The following TTLL7 variants were observed in gnomAD, a reference collection of about 807,000 sequenced individuals.
TTLL7 encodes tubulin polyglutamylase TTLL7.
A neutral mutation model predicts 120.2 loss-of-function variants in TTLL7; 53 were observed. The ratio of observed to expected loss-of-function variants is 0.44; its 90% CI spans 0.35 to 0.55. The LOEUF (loss-of-function observed/expected upper bound fraction) is 0.55, where lower values mean the gene tolerates loss of function less well. TTLL7 is among the 20% of genes least tolerant of loss of function. TTLL7 has a pLI of 0.00. For synonymous variants in TTLL7, 353 were observed against 351.7 expected (o/e 1.00, Z -0.04); for missense variants, 803 against 1,054.7 (o/e 0.76, Z 3.31).
Position 83,925,086 on chromosome 1 carries a change from CCTT to C in TTLL7, c.1143-3695_1143-3693del, listed in dbSNP as rs1659000554. Among the ~76,000 whole-genome samples the C allele has an allele frequency of 2.0e-5, 3 of 152,040 alleles. No individual in the cohort carries two copies. The South Asian group carries it at 6.2e-4, about 32-fold the overall frequency. On this transcript the variant is annotated intron_variant, in intron 10 of 20. Coordinates refer to ENST00000260505, the MANE Select transcript of TTLL7 (RefSeq NM_024686.6). ...GCATCCCTCAGGGTTCTGTCGCTGC[CCTT>C]CTTCTCAAAACATACAGTCCAACTG...
intron 14 of TTLL7, 114 bp downstream of exon 14, chr1:83,917,490 A>G: frequency 2.8e-6 from 2 of 712,180 alleles, no homozygotes; most frequent in Non-Finnish European, 4.8e-6. Context: ...TGCACTGGGC[A>G]CACAGTCCCT....
chr1:83,874,033 T>C (rs1653691071), intron 20 of TTLL7, among the ~76,000 whole-genome samples: 1 of 152,118 alleles, frequency 6.6e-6, no homozygotes, highest in Non-Finnish European at 1.5e-5. Flanking sequence ...TACAATTCAG[T>C]GCATTAAGTA....
At chr1:83,989,105 G>A (rs1414883042) in intron 1 of TTLL7, among the ~76,000 whole-genome samples, 1 of 152,086 alleles carries the variant, frequency 6.6e-6, no homozygotes, top group African/African-American at 2.4e-5. Flanking sequence ...ATAGTTTGCA[G>A]GCATTTTCTC....
intron 10 of TTLL7, 31 bp from the exon 11 acceptor site, chr1:83,921,425 G>C (rs1658655429): frequency 1.2e-6 from 2 of 1,605,832 alleles, no homozygotes; most frequent in African/African-American, 1.3e-5. Flanking sequence ...CCATATTCTA[G>C]AACTCGAACA....
chr1:83,958,451 C>T (rs1271453454), intron 1 of TTLL7, among the ~76,000 whole-genome samples: 1 of 152,154 alleles, frequency 6.6e-6, no homozygotes, highest in African/African-American at 2.4e-5. Flanking sequence ...TCTCCACACA[C>T]ATTAACATTA....
chr1:83,953,906 A>C (rs982132123), intron 1 of TTLL7, among the ~76,000 whole-genome samples: 5 of 152,200 alleles, frequency 3.3e-5, no homozygotes, highest in Admixed American at 2.6e-4. Context: ...CAATACTTCA[A>C]ACAGTGAATT....
chr1:83,884,534 A>G (rs1654805576), intron 19 of TTLL7, among the ~76,000 whole-genome samples: 1 of 151,870 alleles, frequency 6.6e-6, no homozygotes, highest in African/African-American at 2.4e-5. Flanking sequence ...AAAGGGAGTA[A>G]GACTGAAATG....
chr1:83,868,565 A>C lies in TTLL7; in HGVS notation c.*1397T>G, dbSNP rs1251343487. 1.3e-5 allele frequency: 2 copies of C among 152,224 alleles called. No homozygotes were observed. The highest frequency in any genetic ancestry group is 2.4e-5 in the African/African-American group (1 of 41,462). 9.4% of individuals were successfully genotyped at this position (152,224 alleles called of 1,614,324 possible). On this transcript the variant is annotated 3_prime_UTR_variant, in exon 21 of 21. Transcript: ENST00000260505. The stretch of plus-strand genomic sequence containing the variant: ...TAATATGTGATAATTGAAATCTTCT[A>C]TTCACAATCCTTTAACTGTTTCTGT...
chr1:83,908,416 T>C lies in TTLL7; in HGVS notation c.1787-755A>G, dbSNP rs183922135. Among the ~76,000 whole-genome samples, 289 of 152,224 alleles carry C rather than the reference T, an allele frequency of 1.9e-3. 2 individuals carry two copies. Among genetic ancestry groups the C allele is most frequent in the African/African-American group, 6.6e-3 (275 of 41,546 alleles). On this transcript the variant is annotated intron_variant, in intron 15 of 20. Coordinates refer to ENST00000260505, the MANE Select transcript of TTLL7 (RefSeq NM_024686.6). Reference sequence around the variant, plus strand: ...AATTGGTTATTATAAAGAGTAGTACTGAACAGAGAGTATTTTAAGTCACAA... The same window carrying C: ...AATTGGTTATTATAAAGAGTAGTACCGAACAGAGAGTATTTTAAGTCACAA...
intron 20 of TTLL7, among the ~76,000 whole-genome samples, chr1:83,873,521 G>A (rs943383814): frequency 6.6e-5 from 10 of 152,022 alleles, no homozygotes; most frequent in African/African-American, 2.4e-4. Flanking sequence ...TATTTTTCTA[G>A]CTTATTCTTT....
intron 1 of TTLL7, chr1:83,984,035 G>A (rs1652214969): frequency 6.6e-6 from 1 of 152,092 alleles, no homozygotes; most frequent in African/African-American, 2.4e-5. Flanking sequence ...AGGCTACAGT[G>A]AGCCAAGATT....
intron 19 of TTLL7, among the ~76,000 whole-genome samples, chr1:83,884,867 G>A (rs1265503753): frequency 6.6e-6 from 1 of 151,424 alleles, no homozygotes; most frequent in Non-Finnish European, 1.5e-5. Flanking sequence ...AAAACTTAAA[G>A]TATAATAATA....
chr1:83,977,632 G>A (rs1258693959), intron 1 of TTLL7, among the ~76,000 whole-genome samples: 1 of 152,066 alleles, frequency 6.6e-6, no homozygotes, highest in African/African-American at 2.4e-5. Context: ...CCACAATTCT[G>A]ATGATGTCCA....
chr1:83,972,050 CATT>C lies in TTLL7; in HGVS notation c.-176-19666_-176-19664del, dbSNP rs1265821719. Among the ~76,000 whole-genome samples the C allele has an allele frequency of 2.0e-5, 3 of 151,968 alleles. No individual in the cohort carries two copies. In the South Asian group the frequency reaches 6.2e-4, roughly 32 times the overall value. On this transcript the variant is annotated intron_variant, in intron 1 of 20. Coordinates refer to ENST00000260505, the MANE Select transcript of TTLL7 (RefSeq NM_024686.6). ...TGCCACATACACACATACCCTCCCC[CATT>C]ATCAACATCCACCACCAGAGTGATA...
At chr1:83,922,901 A>AC (rs1376739603) in intron 10 of TTLL7, among the ~76,000 whole-genome samples, 1 of 150,822 alleles carries the variant, frequency 6.6e-6, no homozygotes, top group Admixed American at 6.6e-5. Context: ...GGAACAGGGG[A>AC]GCAACAAAGG....
intron 1 of TTLL7, chr1:83,980,248 T>C (rs1651832271): frequency 6.6e-6 from 1 of 152,154 alleles, no homozygotes; most frequent in Admixed American, 6.5e-5. Flanking sequence ...GTCTTGCCTA[T>C]TATATTTGTG....
At chr1:83,871,622 G>A (rs1243233496) in intron 20 of TTLL7, among the ~76,000 whole-genome samples, 8 of 151,656 alleles carry the variant, frequency 5.3e-5, no homozygotes, top group Non-Finnish European at 8.8e-5. Flanking sequence ...TAGGCCGGGC[G>A]CGGTGGCTCA....
Position 83,921,126 on chromosome 1 carries a change from G to A in TTLL7, c.1325C>T (p.Ser442Leu). The change falls in exon 12 of 21, where the codon TCA (serine) becomes TTA (leucine). Residue 442 changes from serine to leucine, a missense_variant. This residue lies in a region of TTLL7 where 324 missense variants were observed against 507.7 expected (regional missense o/e 0.64). Coordinates refer to ENST00000260505, the MANE Select transcript of TTLL7 (RefSeq NM_024686.6). Reference protein sequence around the residue: ...ERLAQVRKQISREEHENRHMG... With the variant: ...ERLAQVRKQILREEHENRHMG... ...ATGTCGATTTTCATGTTCTTCTCGTGAGATCTGCTTTCGTACTTGAGCGAG... is the reference window on the plus strand; with the variant it reads ...ATGTCGATTTTCATGTTCTTCTCGTAAGATCTGCTTTCGTACTTGAGCGAG... 2 of 1,613,204 alleles carry A rather than the reference G, an allele frequency of 1.2e-6. No individual in the cohort carries two copies. Among genetic ancestry groups the A allele is most frequent in the East Asian group, 2.2e-5 (1 of 44,838 alleles).
intron 12 of TTLL7, 24 bp from the exon 13 acceptor site, chr1:83,919,858 A>AT (rs1318748291): frequency 5.0e-6 from 8 of 1,602,692 alleles, no homozygotes; most frequent in Non-Finnish European, 6.8e-6. Flanking sequence ...AGATAAACCA[A>AT]TTTTTTAAAA....
Sources: gnomAD v4.1 joint callset for allele counts (sites outside exome capture counted in the v4.1 genomes callset) on GRCh38, gnomAD v4.1.1 for gene constraint, gnomAD v4.1.1 regional missense constraint, MANE v1.5 for transcripts, NCBI Gene and HGNC (gene_info 2026-07-23, HGNC 2026-07-21) for gene names.